Variants in FNDC3A observed in about 807,000 individuals in gnomAD.
FNDC3A encodes fibronectin type-III domain-containing protein 3A.
A neutral mutation model predicts 148.9 loss-of-function variants in FNDC3A; 32 were observed. That is an observed-to-expected ratio of 0.21 (90% confidence interval 0.16 to 0.29). The LOEUF (loss-of-function observed/expected upper bound fraction) is 0.29, where lower values mean the gene tolerates loss of function less well. Ranked by LOEUF, FNDC3A falls within the 10% of genes least tolerant of loss-of-function variation. FNDC3A has a pLI of 1.00. For missense variants in FNDC3A, 1,191 were observed against 1,452.8 expected (o/e 0.82, Z 2.93); for synonymous variants, 472 against 473.6 (o/e 1.00, Z 0.04).
At chr13:49,012,134 G>A (rs1447631728) in intron 2 of FNDC3A, among the ~76,000 whole-genome samples, 1 of 146,998 alleles carries the variant, frequency 6.8e-6, no homozygotes, top group African/African-American at 2.5e-5. Context: ...TTTTTTTTTT[G>A]AGACGGAGTC....
chr13:49,024,135 G>A (rs898104178), intron 2 of FNDC3A, among the ~76,000 whole-genome samples: 5 of 151,818 alleles, frequency 3.3e-5, no homozygotes, highest in Admixed American at 1.3e-4. Context: ...AGAGGAAATC[G>A]ATAAATTACT....
chr13:49,031,656 A>G (rs981600184), intron 2 of FNDC3A, among the ~76,000 whole-genome samples: 4 of 152,188 alleles, frequency 2.6e-5, no homozygotes, highest in Admixed American at 6.5e-5. Flanking sequence ...AAATCCTAAA[A>G]TAAGAGCTAA....
chr13:49,084,753 C>G (rs2137803048), intron 3 of FNDC3A, among the ~76,000 whole-genome samples: 1 of 152,184 alleles, frequency 6.6e-6, no homozygotes, highest in East Asian at 1.9e-4. Context: ...CAGGCTCCAC[C>G]TAGAAGTCCT....
In FNDC3A at chr13:49,068,111, A is replaced by T. The variant is rs1877388049; in HGVS notation, c.100-7178A>T. On this transcript the variant is annotated intron_variant, in intron 2 of 25. Coordinates refer to ENST00000492622, the MANE Select transcript of FNDC3A (RefSeq NM_001079673.2). The stretch of plus-strand genomic sequence containing the variant: ...CACTTTGGGAGGCCGAGCTGGGCGG[A>T]TCGCTTGAGGCCAGGAGTTTGAGAC... Among the ~76,000 whole-genome samples, 3 of 151,826 alleles carry T rather than the reference A, an allele frequency of 2.0e-5. No individual in the cohort carries two copies. In the South Asian group the frequency reaches 6.2e-4, roughly 32 times the overall value.
intron 8 of FNDC3A, among the ~76,000 whole-genome samples, chr13:49,154,000 G>A (rs1215101373): frequency 4.7e-5 from 6 of 127,120 alleles, no homozygotes; most frequent in Admixed American, 8.6e-5. Flanking sequence ...TTGGCGATGC[G>A]GGCTCTTTTT....
At position 49,019,248 on chromosome 13, in the gene FNDC3A, A is replaced by T. The variant is rs536203946; in HGVS notation, c.99+12959A>T. On this transcript the variant is annotated intron_variant, in intron 2 of 25. Transcript: ENST00000492622. ...ATCTCAGACTGCTGTGCTAGCAATC[A>T]GCGAGACTCCGTGGGCGTAGGACCC... is the stretch of plus-strand genomic sequence containing the variant. 2.1e-3 allele frequency among the ~76,000 whole-genome samples: 313 copies of T among 152,334 alleles called. 3 individuals carry two copies. Among genetic ancestry groups the T allele is most frequent in the African/African-American group, 7.1e-3 (297 of 41,584 alleles).
At chr13:49,199,475 G>A (rs575154692) in intron 23 of FNDC3A, among the ~76,000 whole-genome samples, 5 of 151,568 alleles carry the variant, frequency 3.3e-5, no homozygotes, top group East Asian at 1.9e-4. Flanking sequence ...CTACAGGTGC[G>A]CACCACCACG....
At chr13:49,040,243 A>T (rs1874821319) in intron 2 of FNDC3A, among the ~76,000 whole-genome samples, 1 of 152,232 alleles carries the variant, frequency 6.6e-6, no homozygotes, top group Admixed American at 6.5e-5. Context: ...TAAATTCAGG[A>T]TACACTAAAA....
chr13:49,042,402 T>G (rs1434809664), intron 2 of FNDC3A, among the ~76,000 whole-genome samples: 1 of 152,184 alleles, frequency 6.6e-6, no homozygotes, highest in Non-Finnish European at 1.5e-5. Flanking sequence ...TGATTCGCTA[T>G]TTCTGCTCAT....
chr13:49,039,838 C>T (rs1432222544), intron 2 of FNDC3A, among the ~76,000 whole-genome samples: 1 of 152,136 alleles, frequency 6.6e-6, no homozygotes, highest in Admixed American at 6.5e-5. Flanking sequence ...CTTCAGCCTC[C>T]CATGTAGCTG....
At chr13:49,034,178 T>C (rs1874331497) in intron 2 of FNDC3A, among the ~76,000 whole-genome samples, 1 of 152,040 alleles carries the variant, frequency 6.6e-6, no homozygotes, top group Admixed American at 6.5e-5. Flanking sequence ...TATGAATCTA[T>C]TAAGAATGAT....
intron 13 of FNDC3A, 33 bp from the exon 14 acceptor site, chr13:49,178,535 A>G (rs1885147250): frequency 2.3e-6 from 3 of 1,298,080 alleles, no homozygotes; most frequent in Non-Finnish European, 1.1e-6. Flanking sequence ...ATTGTTAGAC[A>G]TCGAATGAAG....
At chr13:49,149,738 A>G (rs184545732) in intron 8 of FNDC3A, among the ~76,000 whole-genome samples, 23 of 152,246 alleles carry the variant, frequency 1.5e-4, no homozygotes, top group East Asian at 5.8e-4. Context: ...CCTCCTCTTC[A>G]ATGTTTTTGG....
intron 2 of FNDC3A, among the ~76,000 whole-genome samples, chr13:49,074,280 T>G (rs575602228): frequency 2.2e-4 from 33 of 152,198 alleles, no homozygotes; most frequent in Non-Finnish European, 5.9e-5. Context: ...TGTGTCATTC[T>G]TATGCCTTTG....
chr13:49,164,359 CAGA>C (rs1566298597), intron 8 of FNDC3A, among the ~76,000 whole-genome samples: 1 of 152,096 alleles, frequency 6.6e-6, no homozygotes, highest in Non-Finnish European at 1.5e-5. Flanking sequence ...TAATTTCATG[CAGA>C]AGACCTTTTT....
chr13:49,030,168 T>C (rs1210080706), intron 2 of FNDC3A, among the ~76,000 whole-genome samples: 1 of 152,192 alleles, frequency 6.6e-6, no homozygotes, highest in Non-Finnish European at 1.5e-5. Context: ...CATGAACATA[T>C]ACAATTCTAT....
rs1217173099 is a variant in FNDC3A, at chr13:49,006,158, A to T, written c.-33A>T. 5.1e-6 allele frequency: 6 copies of T among 1,175,148 alleles called. No homozygotes were observed. Among genetic ancestry groups the T allele is most frequent in the Non-Finnish European group, 7.6e-6 (6 of 794,608 alleles). 72.8% of individuals were successfully genotyped at this position (1,175,148 alleles called of 1,614,324 possible). Reference sequence around the variant, plus strand: ...ATATATGTTTGTTTTTCAGAATTGGAGCGTTATTCAGTATATTAATGTCTT... The same window carrying T: ...ATATATGTTTGTTTTTCAGAATTGGTGCGTTATTCAGTATATTAATGTCTT... On this transcript the variant is annotated 5_prime_UTR_variant, in exon 2 of 26. Transcript: ENST00000492622.
chr13:49,079,760 A>G (rs1165978232), intron 3 of FNDC3A, among the ~76,000 whole-genome samples: 1 of 152,168 alleles, frequency 6.6e-6, no homozygotes, highest in Non-Finnish European at 1.5e-5. Flanking sequence ...AAGGAAAAAA[A>G]AGGTGGGGAC....
chr13:49,023,569 G>A (rs1873484718), intron 2 of FNDC3A, among the ~76,000 whole-genome samples: 2 of 151,916 alleles, frequency 1.3e-5, no homozygotes, highest in South Asian at 2.1e-4. Flanking sequence ...GGTCTAAAAA[G>A]AATTGATGTT....
Sources: allele counts gnomAD v4.1 joint callset (sites outside exome capture counted in the v4.1 genomes callset), GRCh38; gene constraint gnomAD v4.1.1; transcripts MANE v1.5; gene names NCBI Gene and HGNC (gene_info 2026-07-23, HGNC 2026-07-21).